Variants in LMNA observed in about 807,000 individuals in gnomAD.
LMNA encodes lamin A/C.
LMNA carries 20 observed loss-of-function variants against 70.4 expected under a neutral mutation model. The observed-to-expected ratio is 0.28, with a 90% CI of 0.20 to 0.41. The LOEUF is 0.41. Ranked by LOEUF, LMNA falls within the 10% of genes least tolerant of loss-of-function variation. The pLI is 1.00. For missense variants in LMNA, 652 were observed against 917.2 expected (o/e 0.71, Z 3.73); for synonymous variants, 339 against 372.8 (o/e 0.91, Z 1.04).
Position 156,138,122 on chromosome 1 carries a change from C to T in LMNA, c.1699-366C>T. ...CCTCTCATTTCCCTCATTTTTCCTGCAAGAATGTTCTCTCTCATTCCTGAC... is the reference window on the plus strand; with the variant it reads ...CCTCTCATTTCCCTCATTTTTCCTGTAAGAATGTTCTCTCTCATTCCTGAC... On this transcript the variant is annotated intron_variant, in intron 10 of 11. Transcript: ENST00000368300. The surrounding 1 kb of genome is among the most constrained non-coding windows in gnomAD (Gnocchi z 5.5). The T allele has an allele frequency of 3.8e-6, 2 of 523,628 alleles. No homozygotes were observed. Among genetic ancestry groups the T allele is most frequent in the Admixed American group, 3.2e-5 (1 of 31,110 alleles). The allele number at this position is 523,628 out of a possible 1,614,324, so 32.4% of individuals were successfully genotyped here.
chr1:156,095,859 A>C (rs773636966), intron 3 of LMNA, among the ~76,000 whole-genome samples: 4 of 152,210 alleles, frequency 2.6e-5, no homozygotes, highest in Non-Finnish European at 5.9e-5. Context: ...AGGCACTTGC[A>C]TGCCCTTCCA....
At position 156,136,285 on chromosome 1, in the gene LMNA, A is replaced by G; in HGVS notation, c.1229A>G (p.Gln410Arg). Residue 410 changes from glutamine to arginine, a missense_variant, in exon 7 of 12, where the codon CAG becomes CGG. Around this residue, in one of 4 missense-constraint regions of LMNA, gnomAD observed 327 missense variants for 387.6 expected, o/e 0.84. Transcript: ENST00000368300. This position sits in a 1 kb window ranked among gnomAD's most constrained non-coding sequence, Gnocchi z 6.1. ...GCTTCCTCTCACTCATCCCAGACACAGGGTGGGGGCAGCGTCACCAAAAAG... is the reference window on the plus strand; with the variant it reads ...GCTTCCTCTCACTCATCCCAGACACGGGGTGGGGGCAGCGTCACCAAAAAG... ...GRASSHSSQT[Q>R]GGGSVTKKRK... The G allele has an allele frequency of 1.2e-6, 2 of 1,612,062 alleles. No individual in the cohort carries two copies. The highest frequency in any genetic ancestry group is 1.7e-6 in the Non-Finnish European group (2 of 1,180,014).
chr1:156,127,110 C>T (rs1174737253), intron 1 of LMNA, among the ~76,000 whole-genome samples: 1 of 152,218 alleles, frequency 6.6e-6, no homozygotes, highest in Non-Finnish European at 1.5e-5. Flanking sequence ...GAGTGGGCTG[C>T]ACCACCACCC....
chr1:156,139,911 G>T lies in LMNA; in HGVS notation c.*805G>T. ...AAGTGGGGTGCTGGGAGGAGGGAGA[G>T]GGAGGTCACTGGAAAGGGGAGAGCC... On this transcript the variant is annotated 3_prime_UTR_variant, in exon 12 of 12. Coordinates refer to ENST00000368300, the MANE Select transcript of LMNA (RefSeq NM_170707.4). 7.4e-7 allele frequency: 1 copy of T among 1,347,220 alleles called. No homozygotes were observed. Among genetic ancestry groups the T allele is most frequent in the South Asian group, 1.5e-5 (1 of 67,190 alleles). The allele number at this position is 1,347,220 out of a possible 1,614,324, so 83.5% of individuals were successfully genotyped here. A position where few individuals can be genotyped will look rare whatever the true frequency, so the allele number is the denominator to read the frequency against.
At position 156,134,751 on chromosome 1, in the gene LMNA, T is replaced by C. The variant is rs760528053; in HGVS notation, c.640-54T>C. 3.8e-5 allele frequency: 61 copies of C among 1,610,992 alleles called. No homozygotes were observed. Among genetic ancestry groups the C allele is most frequent in the Non-Finnish European group, 4.9e-5 (58 of 1,177,566 alleles). On this transcript the variant is annotated intron_variant, in intron 3 of 11. Transcript: ENST00000368300. This position sits in a 1 kb window ranked among gnomAD's most constrained non-coding sequence, Gnocchi z 5.3. Reference sequence around the variant, plus strand: ...GGAGCCCCGCCCCTGGGTCTTGGCCTCCCAGGAACTAATTCTGATTTTGGT... The same window carrying C: ...GGAGCCCCGCCCCTGGGTCTTGGCCCCCCAGGAACTAATTCTGATTTTGGT...
At position 156,130,599 on chromosome 1, in the gene LMNA, C is replaced by T; in HGVS notation, c.357-18C>T. ...ACAGACTCCTTCTCTTAAATCTACT[C>T]TCCCCTCTCTTCTTTAGCAATACCA... On this transcript the variant is annotated intron_variant, in intron 1 of 11. Coordinates refer to ENST00000368300, the MANE Select transcript of LMNA (RefSeq NM_170707.4). 1 of 1,613,588 alleles carries T rather than the reference C, an allele frequency of 6.2e-7. No homozygotes were observed. The highest frequency in any genetic ancestry group is 1.1e-5 in the South Asian group (1 of 91,060).
intron 1 of LMNA, among the ~76,000 whole-genome samples, chr1:156,125,582 T>C (rs1650499886): frequency 6.6e-6 from 1 of 151,728 alleles, no homozygotes; most frequent in Non-Finnish European, 1.5e-5. Flanking sequence ...CCAGCTACTC[T>C]GGAGGCTGAG....
chr1:156,117,427 G>A (rs975041698), intron 1 of LMNA, among the ~76,000 whole-genome samples: 1 of 151,824 alleles, frequency 6.6e-6, no homozygotes, highest in Middle Eastern at 3.4e-3. Context: ...TAGAGACGGG[G>A]TTTCACCATG....
intron 2 of LMNA, among the ~76,000 whole-genome samples, chr1:156,087,091 T>G (rs555266833): frequency 6.6e-6 from 1 of 152,148 alleles, no homozygotes; most frequent in Non-Finnish European, 1.5e-5. Flanking sequence ...CACAGGAGGC[T>G]GCCACCAAGG....
chr1:156,122,938 T>TC (rs1301857040), intron 1 of LMNA, among the ~76,000 whole-genome samples: 1 of 151,980 alleles, frequency 6.6e-6, no homozygotes, highest in Non-Finnish European at 1.5e-5. Context: ...CACCCCTGCC[T>TC]CCCCCAAGTT....
chr1:156,105,367 C>A (rs1181724838), intron 3 of LMNA, among the ~76,000 whole-genome samples: 1 of 150,440 alleles, frequency 6.6e-6, no homozygotes, highest in Non-Finnish European at 1.5e-5. Context: ...AGTGCAGTCC[C>A]TTCCCCATCC....
exon 2 of LMNA, chr1:156,082,971 G>C (rs931001910): frequency 6.6e-6 from 1 of 152,304 alleles, no homozygotes; most frequent in Non-Finnish European, 1.5e-5. Flanking sequence ...GCCCGGCCGC[G>C]GGGAGAGGTT....
intron 3 of LMNA, among the ~76,000 whole-genome samples, chr1:156,102,203 G>A (rs12565130): frequency 0.24 from 36,694 of 152,134 alleles, 5,644 homozygotes; most frequent in East Asian, 0.7. Flanking sequence ...CGTGATACAC[G>A]GGGGCGGGAC....
intron 3 of LMNA, among the ~76,000 whole-genome samples, chr1:156,100,312 C>G (rs968168587): frequency 2.6e-5 from 4 of 152,130 alleles, no homozygotes; most frequent in Non-Finnish European, 5.9e-5. Context: ...AAACTTTTAT[C>G]GAGGTCTAGT....
intron 2 of LMNA, among the ~76,000 whole-genome samples, chr1:156,086,337 C>G (rs1340057807): frequency 3.9e-5 from 6 of 151,990 alleles, no homozygotes; most frequent in Non-Finnish European, 8.8e-5. Flanking sequence ...TCTAAACAAA[C>G]AGCAAATAAT....
At position 156,135,965 on chromosome 1, in the gene LMNA, G is replaced by A. The variant is rs370656306; in HGVS notation, c.1001G>A (p.Ser334Asn). ...EDSLARERDT[S>N]RRLLAEKERE... Reference sequence around the variant, plus strand: ...TCACTGGCCCGTGAGCGGGACACCAGCCGGCGGCTGCTGGCGGAAAAGGAG... The same window carrying A: ...TCACTGGCCCGTGAGCGGGACACCAACCGGCGGCTGCTGGCGGAAAAGGAG... Residue 334 changes from serine to asparagine, a missense_variant, in exon 6 of 12, where the codon AGC (serine) becomes AAC (asparagine). By Grantham distance (46) the Ser-to-Asn change is conservative (BLOSUM62 1). Around this residue, in one of 4 missense-constraint regions of LMNA, gnomAD observed 38 missense variants for 32.5 expected, o/e 1.17. Coordinates refer to ENST00000368300, the MANE Select transcript of LMNA (RefSeq NM_170707.4). The surrounding 1 kb of genome is among the most constrained non-coding windows in gnomAD (Gnocchi z 4.8). 1.4e-5 allele frequency: 23 copies of A among 1,613,920 alleles called. No homozygotes were observed. The highest frequency in any genetic ancestry group is 1.8e-5 in the Non-Finnish European group (21 of 1,180,030).
chr1:156,098,057 C>T (rs559998595), intron 3 of LMNA, among the ~76,000 whole-genome samples: 8 of 152,308 alleles, frequency 5.3e-5, no homozygotes, highest in Admixed American at 4.6e-4. Context: ...TAGTCCCTGT[C>T]AGGATAGTTT....
Position 156,120,554 on chromosome 1 carries a change from C to T in LMNA, c.356+5280C>T, listed in dbSNP as rs144179137. Among the ~76,000 whole-genome samples the T allele has an allele frequency of 2.9e-3, 448 of 152,164 alleles. 2 individuals are homozygous for T. The highest frequency in any genetic ancestry group is 0.01 in the African/African-American group (434 of 41,516). On this transcript the variant is annotated intron_variant, in intron 1 of 11. Transcript: ENST00000368300. ...GACCAGTCTGGGCAACATAGCAAGA[C>T]CCCCTTCTGTACAAAAAAATTAGCC...
At chr1:156,127,845 C>T (rs1191789547) in intron 1 of LMNA, among the ~76,000 whole-genome samples, 1 of 152,082 alleles carries the variant, frequency 6.6e-6, no homozygotes, top group Non-Finnish European at 1.5e-5. Context: ...CACCACCTTG[C>T]CCGACTAATT....
Sources: gnomAD v4.1 joint callset for allele counts (sites outside exome capture counted in the v4.1 genomes callset) on GRCh38, gnomAD v4.1.1 for gene constraint, gnomAD v4.1.1 regional missense constraint, Gnocchi (gnomAD v3.1) non-coding constraint, MANE v1.5 for transcripts, NCBI Gene and HGNC (gene_info 2026-07-23, HGNC 2026-07-21) for gene names.